Variants in DDX10 observed in about 807,000 individuals in gnomAD.
The protein encoded by DDX10 is probable ATP-dependent RNA helicase DDX10.
Under a neutral mutation model 104.3 loss-of-function variants are expected in DDX10, and 74 were observed. The ratio of observed to expected loss-of-function variants is 0.71; its 90% CI spans 0.59 to 0.86. The LOEUF is 0.86. Among genes scored for constraint, DDX10 ranks in the 40% least tolerant of loss-of-function variants. The pLI is 0.00. For missense variants in DDX10, 952 were observed against 1,040.0 expected, an observed-to-expected ratio of 0.92 and a Z score of 1.16; for synonymous variants, 351 against 353.4, an observed-to-expected ratio of 0.99 and a Z score of 0.08.
At chr11:108,864,265 C>T (rs1399054365) in intron 16 of DDX10, among the ~76,000 whole-genome samples, 1 of 152,098 alleles carries the variant, frequency 6.6e-6, no homozygotes, top group Admixed American at 6.6e-5. Context: ...TCAAAATGCC[C>T]ATATCTAGCT....
rs1234197164 is a variant in DDX10, at chr11:108,706,746, G to C, written c.1231G>C (p.Glu411Gln). 6.2e-7 allele frequency: 1 copy of C among 1,613,392 alleles called. No individual in the cohort carries two copies. The highest frequency in any genetic ancestry group is 1.3e-5 in the African/African-American group (1 of 74,924). Residue 411 changes from glutamate to glutamine, a missense_variant, in exon 10 of 18, where the codon GAG (glutamate) becomes CAG (glutamine). This residue lies in a region of DDX10 where 7 missense variants were observed against 26.7 expected (regional missense o/e 0.26). Coordinates refer to ENST00000322536, the MANE Select transcript of DDX10 (RefSeq NM_004398.4). ...HRAGRTARYK[E>Q]DGEALLILLP... ...TTGTTTCTTTTTGTTTAGGTACAAA[G>C]AGGATGGTGAAGCTTTGCTAATTTT...
intron 10 of DDX10, 113 bp from the exon 11 acceptor site, chr11:108,715,766 G>A: frequency 4.8e-6 from 3 of 624,658 alleles, no homozygotes. Context: ...ATTCATAGAT[G>A]AGAAATAGTT....
At chr11:108,668,869 T>G (rs937583103) in intron 1 of DDX10, among the ~76,000 whole-genome samples, 12 of 152,068 alleles carry the variant, frequency 7.9e-5, no homozygotes, top group African/African-American at 2.7e-4. Flanking sequence ...ATGGTGTAAT[T>G]AGGGGAAGTT....
chr11:108,722,782 G>T (rs1425540072), intron 12 of DDX10, among the ~76,000 whole-genome samples: 2 of 152,104 alleles, frequency 1.3e-5, no homozygotes, highest in African/African-American at 2.4e-5. Context: ...CCCTCTTAAA[G>T]AAAAAATAGT....
At chr11:108,891,585 C>T (rs1863376861) in intron 16 of DDX10, among the ~76,000 whole-genome samples, 1 of 152,136 alleles carries the variant, frequency 6.6e-6, no homozygotes, top group Admixed American at 6.6e-5. Flanking sequence ...AAAAGTGTTC[C>T]AATTCTGCAC....
At chr11:108,922,264 A>AAAAAAAAAAAAAAAAG in intron 17 of DDX10, 1 of 93,942 alleles carries the variant, frequency 1.1e-5, no homozygotes, top group East Asian at 3.7e-4. Flanking sequence ...AAAAAAAAAA[A>AAAAAAAAAAAAAAAAG]AGAGAGAGAG....
At chr11:108,667,928 C>T (rs985058211) in intron 1 of DDX10, among the ~76,000 whole-genome samples, 1 of 152,202 alleles carries the variant, frequency 6.6e-6, no homozygotes, top group Non-Finnish European at 1.5e-5. Flanking sequence ...AACTCTCCTA[C>T]TAGACCATGA....
chr11:108,863,779 A>G (rs17108665), intron 16 of DDX10, among the ~76,000 whole-genome samples: 1,715 of 152,120 alleles, frequency 0.011, 35 homozygotes, highest in African/African-American at 0.039. Context: ...GTGAGAGAAG[A>G]AAAAAAATAT....
chr11:108,695,916 A>G (rs1022984044), intron 9 of DDX10, among the ~76,000 whole-genome samples: 16 of 152,230 alleles, frequency 1.1e-4, no homozygotes, highest in African/African-American at 3.9e-4. Flanking sequence ...CTATTTAAAA[A>G]TAGGATTTAT....
chr11:108,719,693 T>G, intron 11 of DDX10, 104 bp from the exon 12 acceptor site: 2 of 643,668 alleles, frequency 3.1e-6, no homozygotes, highest in Non-Finnish European at 2.7e-6. Context: ...TTCGTGGTTT[T>G]TCAGTACTAT....
At chr11:108,781,223 G>A (rs2094377685) in intron 13 of DDX10, among the ~76,000 whole-genome samples, 4 of 152,142 alleles carry the variant, frequency 2.6e-5, no homozygotes, top group Admixed American at 2.6e-4. Flanking sequence ...CCATGTTGCT[G>A]TAAAGGACAT....
chr11:108,803,221 G>GTCATT (rs1182837070), intron 13 of DDX10, among the ~76,000 whole-genome samples: 7 of 150,414 alleles, frequency 4.7e-5, no homozygotes, highest in Non-Finnish European at 7.4e-5. Flanking sequence ...TTCTTACTCG[G>GTCATT]TCATTTCCAC....
At chr11:108,927,714 T>G (rs941373685) in intron 17 of DDX10, among the ~76,000 whole-genome samples, 2 of 151,954 alleles carry the variant, frequency 1.3e-5, no homozygotes, top group Non-Finnish European at 2.9e-5. Flanking sequence ...CTCAGCTCAC[T>G]GCAACCTCTG....
chr11:108,675,530 CACTT>C lies in DDX10; in HGVS notation c.248-64_248-61del, dbSNP rs1365314403. 1.9e-6 allele frequency: 3 copies of C among 1,550,136 alleles called. No homozygotes were observed. In the African/African-American group the frequency reaches 4.1e-5, roughly 21 times the overall value. The stretch of plus-strand genomic sequence containing the variant: ...CATAGGAATTTTGGGGGACACAACT[CACTT>C]AGCCTATAATACCATCCTACAGGGA... On this transcript the variant is annotated intron_variant, in intron 2 of 17. Transcript: ENST00000322536.
Position 108,835,274 on chromosome 11 carries a change from A to G in DDX10, c.1966-3172A>G, listed in dbSNP as rs960149707. The stretch of plus-strand genomic sequence containing the variant: ...GTAACTGAGGAAGAACAATAGTCAC[A>G]CATCTTAGAATAAGCATAGTGGTGG... On this transcript the variant is annotated intron_variant, in intron 13 of 17. Transcript: ENST00000322536. 5.3e-5 allele frequency among the ~76,000 whole-genome samples: 8 copies of G among 152,232 alleles called. 1 individual carries two copies. The highest frequency in any genetic ancestry group is 4.1e-4 in the South Asian group (2 of 4,834).
At chr11:108,875,030 GT>G (rs1863133433) in intron 16 of DDX10, among the ~76,000 whole-genome samples, 1 of 152,146 alleles carries the variant, frequency 6.6e-6, no homozygotes, top group Non-Finnish European at 1.5e-5. Flanking sequence ...AGTAACGCAT[GT>G]AAAGGTACCA....
intron 13 of DDX10, among the ~76,000 whole-genome samples, chr11:108,806,144 G>C (rs1352237171): frequency 6.6e-6 from 1 of 151,902 alleles, no homozygotes; most frequent in Non-Finnish European, 1.5e-5. Context: ...TTTATTTTTA[G>C]TAGAGACGGG....
chr11:108,871,115 C>T lies in DDX10; in HGVS notation c.2304+18906C>T, dbSNP rs148454719. On this transcript the variant is annotated intron_variant, in intron 16 of 17. Transcript: ENST00000322536. ...CACACATGGACAATCTCTAATTATA[C>T]ACTTTGTGTCCAAGTTCATATGTAA... Among the ~76,000 whole-genome samples the T allele has an allele frequency of 3.9e-3, 600 of 152,230 alleles. 7 individuals carry two copies. The highest frequency in any genetic ancestry group is 0.014 in the African/African-American group (570 of 41,530).
At chr11:108,724,354 A>G (rs2094302539) in intron 13 of DDX10, among the ~76,000 whole-genome samples, 1 of 152,016 alleles carries the variant, frequency 6.6e-6, no homozygotes, top group Non-Finnish European at 1.5e-5. Flanking sequence ...TTTTCTGAAC[A>G]TTATCTCATT....
Sources: allele counts gnomAD v4.1 joint callset (sites outside exome capture counted in the v4.1 genomes callset), GRCh38; gene constraint gnomAD v4.1.1; regional missense constraint gnomAD v4.1.1; transcripts MANE v1.5; gene names NCBI Gene and HGNC (gene_info 2026-07-23, HGNC 2026-07-21).